The following AMY2B variants were observed in gnomAD, a reference collection of about 807,000 sequenced individuals.
The protein encoded by AMY2B is amylase alpha 2B.
A neutral mutation model predicts 59.3 loss-of-function variants in AMY2B; 63 were observed. The observed-to-expected ratio is 1.06, with a 90% CI of 0.87 to 1.31. The LOEUF (loss-of-function observed/expected upper bound fraction) is 1.31. Ranked by LOEUF, AMY2B falls within the 50% of genes most tolerant of loss-of-function variation. AMY2B has a pLI of 0.00. For missense variants in AMY2B, 635 were observed against 626.7 expected (o/e 1.01, Z -0.14); for synonymous variants, 180 against 198.1 (o/e 0.91, Z 0.77).
intron 1 of AMY2B, among the ~76,000 whole-genome samples, chr1:103,564,797 CT>C (rs751530086): frequency 2.6e-5 from 4 of 152,044 alleles, no homozygotes; most frequent in South Asian, 2.1e-4. Context: ...TTCTTCATAT[CT>C]TTTTTTAATT....
rs765345574 is a variant in AMY2B at position 103,572,262 on chromosome 1, T to A, written c.315+6T>A. ...CTAGATGTAACAATGTTGGGGTAAG[T>A]GAATTCTAGTTTCCTTGAAAAATAA... On this transcript the variant is annotated splice_donor_region_variant and intron_variant, in intron 2 of 9. Coordinates refer to ENST00000684275, the MANE Select transcript of AMY2B (RefSeq NM_001387437.1). 6.2e-7 allele frequency: 1 copy of A among 1,607,822 alleles called. No homozygotes were observed. The highest frequency in any genetic ancestry group is 8.5e-7 in the Non-Finnish European group (1 of 1,177,372).
At position 103,575,455 on chromosome 1, in the gene AMY2B, C is replaced by T. The variant is rs145913863; in HGVS notation, c.1016C>T (p.Ala339Val). Reference sequence around the variant, plus strand: ...GTAACTTTCAGGCTGTATAAAATGGCAGTTGGATTTATGCTTGCTCATCCT... The same window carrying T: ...GTAACTTTCAGGCTGTATAAAATGGTAGTTGGATTTATGCTTGCTCATCCT... ...TFWDARLYKM[A>V]VGFMLAHPYG... is the part of the protein sequence containing the mutation. Residue 339 changes from alanine to valine, a missense_variant, in exon 7 of 10, where the codon GCA (alanine) becomes GTA (valine). Ala to Val is a moderately conservative substitution (Grantham distance 64). Transcript: ENST00000684275. 4.3e-6 allele frequency: 7 copies of T among 1,613,304 alleles called. No homozygotes were observed. In the African/African-American group the frequency reaches 8.0e-5, roughly 18 times the overall value.
At chr1:103,578,594 A>G (rs1319200823) in intron 9 of AMY2B, among the ~76,000 whole-genome samples, 1 of 152,208 alleles carries the variant, frequency 6.6e-6, no homozygotes, top group Non-Finnish European at 1.5e-5. Flanking sequence ...ATAAATAAAT[A>G]CATAAATACA....
At chr1:103,557,864 A>T (rs1280897240) in intron 1 of AMY2B, among the ~76,000 whole-genome samples, 1 of 152,186 alleles carries the variant, frequency 6.6e-6, no homozygotes, top group East Asian at 1.9e-4. Flanking sequence ...TCATAAAAAC[A>T]TGCATAGAAA....
intron 5 of AMY2B, 57 bp downstream of exon 5, chr1:103,574,450 C>A (rs1160348446): frequency 2.5e-6 from 4 of 1,606,102 alleles, no homozygotes; most frequent in Non-Finnish European, 2.5e-6. Context: ...GTCATAGTAC[C>A]CCAGTGTGAG....
chr1:103,558,006 A>G (rs1651613786), intron 1 of AMY2B, among the ~76,000 whole-genome samples: 1 of 152,186 alleles, frequency 6.6e-6, no homozygotes, highest in Non-Finnish European at 1.5e-5. Context: ...GTTCACTCCA[A>G]TGAAAATTCT....
chr1:103,556,749 T>C (rs760974286), intron 1 of AMY2B, among the ~76,000 whole-genome samples: 3 of 151,988 alleles, frequency 2.0e-5, no homozygotes, highest in Non-Finnish European at 4.4e-5. Flanking sequence ...ACCTAGGAGA[T>C]TGAAAGCATT....
chr1:103,570,011 G>A (rs1042175689), upstream of AMY2B: 6 of 442,058 alleles, frequency 1.4e-5, no homozygotes, highest in Non-Finnish European at 2.7e-5. Flanking sequence ...ATTGTCATGG[G>A]CTTTGGAGAT....
In AMY2B at chr1:103,579,483, G is replaced by A. The variant is rs1301259272; in HGVS notation, c.1519G>A (p.Ala507Thr). The change falls in exon 10 of 10, where the codon GCT (alanine) becomes ACT (threonine). Residue 507 changes from alanine (A) to threonine (T), a missense_variant. Ala to Thr is a moderately conservative substitution (Grantham distance 58, BLOSUM62 0). Transcript: ENST00000684275. ...TGAGGATCCATTTATTGCAATTCAT[G>A]CTGAATCTAAATTATAAAATTTAAA... ...SAEDPFIAIH[A>T]ESKL The A allele has an allele frequency of 8.7e-6, 14 of 1,610,532 alleles. No homozygotes were observed. The highest frequency in any genetic ancestry group is 3.3e-5 in the Admixed American group (2 of 59,848).
In AMY2B at chr1:103,573,985, A is replaced by G. The variant is rs1332589163; in HGVS notation, c.744+47A>G. On this transcript the variant is annotated intron_variant, in intron 4 of 9. Transcript: ENST00000684275. ...TATAAAATATCATCTTATTCATTAG[A>G]AAATAATGGCAGATTTAATTAAAAA... 1.9e-6 allele frequency: 3 copies of G among 1,612,834 alleles called. No homozygotes were observed. The African/African-American group carries it at 4.0e-5, about 22-fold the overall frequency.
upstream of AMY2B, among the ~76,000 whole-genome samples, chr1:103,567,986 C>T (rs1336106045): frequency 1.3e-5 from 2 of 152,172 alleles, no homozygotes; most frequent in African/African-American, 4.8e-5. Context: ...GGATGTCTTC[C>T]CTTACCATCC....
At chr1:103,563,224 T>G (rs1253735246) in intron 1 of AMY2B, among the ~76,000 whole-genome samples, 1 of 152,108 alleles carries the variant, frequency 6.6e-6, no homozygotes, top group Non-Finnish European at 1.5e-5. Flanking sequence ...TTTCATATTC[T>G]TAGGGAATTC....
upstream of AMY2B, chr1:103,569,171 A>T (rs553402643): frequency 6.6e-6 from 1 of 152,224 alleles, no homozygotes; most frequent in South Asian, 2.1e-4. Context: ...CTCTCATAAC[A>T]CATGGGGGTT....
intron 1 of AMY2B, among the ~76,000 whole-genome samples, chr1:103,557,335 A>G (rs1395176046): frequency 6.6e-6 from 1 of 152,132 alleles, no homozygotes; most frequent in South Asian, 2.1e-4. Context: ...GGTTGTATCT[A>G]TTTAAAAGGT....
At chr1:103,556,001 G>C (rs927225712) in intron 1 of AMY2B, among the ~76,000 whole-genome samples, 2 of 152,110 alleles carry the variant, frequency 1.3e-5, no homozygotes, top group Non-Finnish European at 2.9e-5. Flanking sequence ...GTAGGATGAA[G>C]GGCAGATTAT....
chr1:103,572,901 A>T (rs554070637), intron 2 of AMY2B, among the ~76,000 whole-genome samples, 162 bp from the exon 3 acceptor site: 2 of 152,308 alleles, frequency 1.3e-5, no homozygotes, highest in South Asian at 4.1e-4. Context: ...TGTTTAGTTC[A>T]CATTACTTCT....
At position 103,577,922 on chromosome 1, in the gene AMY2B, A is replaced by T. The variant is rs1231958855; in HGVS notation, c.1346+77A>T. Reference sequence around the variant, plus strand: ...TATTCCTTTTTTTCTGTTCATTGACATTTATCATATCTGAAAAATCATGTA... The same window carrying T: ...TATTCCTTTTTTTCTGTTCATTGACTTTTATCATATCTGAAAAATCATGTA... On this transcript the variant is annotated intron_variant, in intron 9 of 9. Transcript: ENST00000684275. The T allele has an allele frequency of 2.5e-6, 4 of 1,580,570 alleles. No individual in the cohort carries two copies. In the African/African-American group the frequency reaches 4.1e-5, roughly 16 times the overall value.
intron 1 of AMY2B, 122 bp from the exon 2 acceptor site, chr1:103,571,988 A>G (rs1287253080): frequency 6.4e-7 from 1 of 1,554,504 alleles, no homozygotes; most frequent in African/African-American, 1.4e-5. Flanking sequence ...TGCTGTTAAT[A>G]TTTTCAAGAG....
intron 2 of AMY2B, 112 bp from the exon 3 acceptor site, chr1:103,572,951 G>T: frequency 6.3e-7 from 1 of 1,583,382 alleles, no homozygotes; most frequent in Non-Finnish European, 8.6e-7. Flanking sequence ...ATAGTTATAA[G>T]ATATCATGAA....
Sources: allele counts gnomAD v4.1 joint callset (sites outside exome capture counted in the v4.1 genomes callset), GRCh38; gene constraint gnomAD v4.1.1; transcripts MANE v1.5; gene names NCBI Gene and HGNC (gene_info 2026-07-23, HGNC 2026-07-21).